Variants in LYRM4 observed in about 807,000 individuals in gnomAD.
LYRM4 encodes the protein LYR motif-containing protein 4.
A neutral mutation model predicts 11.7 loss-of-function variants in LYRM4; 9 were observed. The ratio of observed to expected loss-of-function variants is 0.77; its 90% CI spans 0.46 to 1.34. The LOEUF is 1.34. Ranked by LOEUF, LYRM4 falls within the 40% of genes most tolerant of loss-of-function variation. LYRM4 has a pLI of 0.00. For synonymous variants in LYRM4, 42 were observed against 40.4 expected (o/e 1.04, Z -0.15); for missense variants, 133 against 112.5 (o/e 1.18, Z -0.82).
At chr6:5,114,283 T>A (rs1763023481) in intron 2 of LYRM4, among the ~76,000 whole-genome samples, 1 of 152,218 alleles carries the variant, frequency 6.6e-6, no homozygotes, top group South Asian at 2.1e-4. Flanking sequence ...ACTGAGTGCT[T>A]GATGACCATG....
chr6:5,127,786 T>C (rs1032244188), intron 2 of LYRM4, among the ~76,000 whole-genome samples: 24 of 152,392 alleles, frequency 1.6e-4, no homozygotes, highest in Non-Finnish European at 2.6e-4. Context: ...TACGTGATTT[T>C]TCTAATAGAC....
chr6:5,058,152 G>A, the LYRM4 span, among the ~76,000 whole-genome samples: 337 of 151,972 alleles, frequency 2.2e-3, 1 homozygote, highest in South Asian at 9.6e-3. Context: ...CTCCTTCTTC[G>A]GGTTCCACCT....
chr6:5,068,872 C>G, the LYRM4 span, among the ~76,000 whole-genome samples: 1 of 152,140 alleles, frequency 6.6e-6, no homozygotes, highest in Non-Finnish European at 1.5e-5. This position sits in a 1 kb window ranked among gnomAD's most constrained non-coding sequence, Gnocchi z 4.0. Flanking sequence ...TGTAAAGCAT[C>G]AGTGATTTCA....
At chr6:5,078,731 G>A in the LYRM4 span, among the ~76,000 whole-genome samples, 22 of 152,060 alleles carry the variant, frequency 1.4e-4, no homozygotes. Flanking sequence ...ATTTCAGTTT[G>A]TGTTGATAAA....
chr6:5,058,932 C>T, the LYRM4 span, among the ~76,000 whole-genome samples: 9 of 152,028 alleles, frequency 5.9e-5, no homozygotes, highest in South Asian at 8.3e-4. Context: ...AAGCACATGA[C>T]GAAAATGGAA....
At chr6:5,233,347 G>A (rs886959012) in intron 1 of LYRM4, among the ~76,000 whole-genome samples, 17 of 152,256 alleles carry the variant, frequency 1.1e-4, no homozygotes, top group Non-Finnish European at 2.4e-4. Flanking sequence ...AAGTGAGGAA[G>A]AAGAAACACA....
At chr6:5,042,406 A>G in the LYRM4 span, 1 of 152,354 alleles carries the variant, frequency 6.6e-6, no homozygotes, top group East Asian at 1.9e-4. Flanking sequence ...GTATTTTATT[A>G]TTACAGATTT....
chr6:5,171,382 T>C (rs1457678404), intron 2 of LYRM4, among the ~76,000 whole-genome samples: 1 of 152,224 alleles, frequency 6.6e-6, no homozygotes, highest in Non-Finnish European at 1.5e-5. Flanking sequence ...TGTTTACAAC[T>C]GTGAATCACT....
chr6:5,165,784 C>G (rs1759051765), intron 2 of LYRM4, among the ~76,000 whole-genome samples: 1 of 152,160 alleles, frequency 6.6e-6, no homozygotes, highest in South Asian at 2.1e-4. Flanking sequence ...CTCAGGTGAT[C>G]TACCTGCCTC....
At chr6:5,077,260 G>T in the LYRM4 span, among the ~76,000 whole-genome samples, 1 of 152,216 alleles carries the variant, frequency 6.6e-6, no homozygotes, top group East Asian at 1.9e-4. Flanking sequence ...CAGTGAGAAC[G>T]CAAAGTTCTT....
chr6:5,186,843 G>A (rs772875389), intron 2 of LYRM4: 23 of 510,190 alleles, frequency 4.5e-5, no homozygotes, highest in Middle Eastern at 6.7e-4. Context: ...AATTAGCCAG[G>A]CGTGGTGGCG....
the LYRM4 span, among the ~76,000 whole-genome samples, chr6:5,052,214 C>T: frequency 2.0e-5 from 3 of 151,978 alleles, no homozygotes; most frequent in Admixed American, 2.0e-4. Flanking sequence ...AATATATAAA[C>T]AATTATAAAA....
the LYRM4 span, among the ~76,000 whole-genome samples, chr6:5,076,598 CA>C: frequency 7.1e-4 from 108 of 152,224 alleles, no homozygotes; most frequent in Non-Finnish European, 1.3e-3. Flanking sequence ...GGTCTAGCCA[CA>C]GTGCATCTTT....
the LYRM4 span, chr6:5,066,685 G>T: frequency 2.1e-6 from 2 of 970,654 alleles, no homozygotes; most frequent in Non-Finnish European, 3.3e-6. Context: ...CTGCACTGCA[G>T]CAATAGGTGT....
At chr6:5,126,308 C>G (rs1763695897) in intron 2 of LYRM4, among the ~76,000 whole-genome samples, 1 of 152,214 alleles carries the variant, frequency 6.6e-6, no homozygotes, top group Admixed American at 6.5e-5. Context: ...CCAGCACCAA[C>G]TGAGTATAAT....
the LYRM4 span, chr6:5,065,771 C>A: frequency 3.5e-6 from 1 of 287,218 alleles, no homozygotes; most frequent in Non-Finnish European, 6.3e-6. Flanking sequence ...ATAAACTGCT[C>A]CACCAAAAAC....
At chr6:5,212,566 G>A (rs1345704236) in intron 2 of LYRM4, among the ~76,000 whole-genome samples, 1 of 152,228 alleles carries the variant, frequency 6.6e-6, no homozygotes, top group Non-Finnish European at 1.5e-5. Context: ...GGCAGATAGG[G>A]AAATTAGATT....
intron 1 of LYRM4, among the ~76,000 whole-genome samples, chr6:5,221,109 G>A (rs894917212): frequency 6.6e-6 from 1 of 152,180 alleles, no homozygotes; most frequent in African/African-American, 2.4e-5. Context: ...TTACAGGTGT[G>A]AGCCACTATA....
chr6:5,086,307 A>G, the LYRM4 span: 14 of 1,535,530 alleles, frequency 9.1e-6, no homozygotes, highest in African/African-American at 9.6e-5. Flanking sequence ...CGCTGGAGCC[A>G]CAGCAGCCAG....
Sources: gnomAD v4.1 joint callset for allele counts (sites outside exome capture counted in the v4.1 genomes callset) on GRCh38, gnomAD v4.1.1 for gene constraint, Gnocchi (gnomAD v3.1) non-coding constraint, MANE v1.5 for transcripts, NCBI Gene and HGNC (gene_info 2026-07-23, HGNC 2026-07-21) for gene names.